EML5: variants seen among roughly 807,000 people sequenced by gnomAD.
EML5 encodes the protein echinoderm microtubule-associated protein-like 5.
In EML5, 120 loss-of-function variants were observed where a neutral mutation model predicts 250.0. The observed-to-expected ratio is 0.48, with a 90% confidence interval of 0.41 to 0.56. EML5 has a LOEUF of 0.56. EML5 is among the 20% of genes least tolerant of loss of function. The pLI, the probability that EML5 is intolerant of heterozygous loss-of-function variation, is 0.00. For missense variants in EML5, 2,006 were observed against 2,437.6 expected, an observed-to-expected ratio of 0.82 and a Z score of 3.73; for synonymous variants, 771 against 806.5, an observed-to-expected ratio of 0.96 and a Z score of 0.75.
At chr14:88,623,539 G>C (rs1328333547) in intron 36 of EML5, 1 of 151,930 alleles carries the variant, frequency 6.6e-6, no homozygotes, top group Non-Finnish European at 1.5e-5. Flanking sequence ...TTCTCCTTCA[G>C]CCTCCCAAGT....
rs186830835 is a variant in EML5, at chr14:88,616,068, C to T, written c.5897+74G>A. 3.7e-3 allele frequency: 5,578 copies of T among 1,501,580 alleles called. 12 individuals are homozygous for T. The highest frequency in any genetic ancestry group is 4.7e-3 in the Non-Finnish European group (5,080 of 1,079,624). The allele number at this position is 1,501,580 out of a possible 1,614,324, so 93.0% of individuals were successfully genotyped here. ...GACTAGCTGATTTCATAAACCAAAG[C>T]TGTAGGAGTTGTTGTATTAAGTCTC... On this transcript the variant is annotated intron_variant, in intron 43 of 43. Transcript: ENST00000554922.
chr14:88,746,154 C>G, intron 3 of EML5, 31 bp downstream of exon 3: 1 of 1,542,598 alleles, frequency 6.5e-7, no homozygotes, highest in African/African-American at 1.4e-5. Context: ...CCTTCCAGTA[C>G]TCATTAGAAA....
intron 1 of EML5, among the ~76,000 whole-genome samples, chr14:88,791,781 G>A (rs966661737): frequency 4.6e-5 from 7 of 152,294 alleles, no homozygotes; most frequent in African/African-American, 7.2e-5. Context: ...GGTTTCTGCT[G>A]ATTATAGCAG....
At chr14:88,621,066 T>A in intron 38 of EML5, 47 bp downstream of exon 38, 1 of 1,554,998 alleles carries the variant, frequency 6.4e-7, no homozygotes, top group Non-Finnish European at 8.7e-7. Context: ...TTCCAACTTT[T>A]CTTTTTAGAA....
chr14:88,663,751 T>C (rs1184648509), intron 23 of EML5, among the ~76,000 whole-genome samples: 1 of 151,370 alleles, frequency 6.6e-6, no homozygotes, highest in Non-Finnish European at 1.5e-5. Context: ...CCCAGGCTGG[T>C]CTCAAACTCC....
At chr14:88,764,779 T>C (rs1028482280) in intron 1 of EML5, among the ~76,000 whole-genome samples, 1 of 152,080 alleles carries the variant, frequency 6.6e-6, no homozygotes, top group African/African-American at 2.4e-5. Context: ...ATTTTCACTT[T>C]CTTCTTCTTT....
chr14:88,750,025 C>T (rs1215664646), intron 2 of EML5, among the ~76,000 whole-genome samples: 1 of 152,162 alleles, frequency 6.6e-6, no homozygotes, highest in Non-Finnish European at 1.5e-5. Context: ...CTCATTCCTT[C>T]GTGCATTGTC....
chr14:88,693,763 C>CTTTTT (rs71127002), intron 17 of EML5, among the ~76,000 whole-genome samples: 36 of 62,840 alleles, frequency 5.7e-4, no homozygotes, highest in Non-Finnish European at 8.5e-4. Context: ...ATGTTAACAT[C>CTTTTT]TTTTTTTTTT....
intron 9 of EML5, among the ~76,000 whole-genome samples, chr14:88,713,513 T>C (rs561914898): frequency 7.0e-4 from 106 of 152,292 alleles, no homozygotes; most frequent in African/African-American, 2.4e-3. Flanking sequence ...GATCTTGCTC[T>C]TTCACCCAGG....
At chr14:88,625,238 A>C in intron 35 of EML5, 111 bp from the exon 36 acceptor site, 1 of 1,290,200 alleles carries the variant, frequency 7.8e-7, no homozygotes, top group Non-Finnish European at 1.1e-6. Context: ...TACAAAGAGC[A>C]TGCATCGTGT....
At chr14:88,659,350 A>G (rs1353154111) in intron 25 of EML5, among the ~76,000 whole-genome samples, 1 of 151,872 alleles carries the variant, frequency 6.6e-6, no homozygotes, top group African/African-American at 2.4e-5. Flanking sequence ...AGCTGGGAAT[A>G]CAGGGACCCG....
At chr14:88,702,051 A>G (rs2093222428) in intron 14 of EML5, among the ~76,000 whole-genome samples, 1 of 152,144 alleles carries the variant, frequency 6.6e-6, no homozygotes, top group Non-Finnish European at 1.5e-5. Context: ...CATGGTTGTA[A>G]AATAAAGAGA....
At chr14:88,732,601 G>A (rs890159647) in intron 7 of EML5, among the ~76,000 whole-genome samples, 1 of 152,206 alleles carries the variant, frequency 6.6e-6, no homozygotes, top group Non-Finnish European at 1.5e-5. Flanking sequence ...TGTGAAGAAA[G>A]TCATTGGTAG....
At chr14:88,652,318 C>A (rs1296351601) in intron 27 of EML5, among the ~76,000 whole-genome samples, 2 of 152,188 alleles carry the variant, frequency 1.3e-5, no homozygotes, top group East Asian at 3.8e-4. Flanking sequence ...TGAGGAGGCA[C>A]TGCGCCCTTA....
intron 36 of EML5, 199 bp from the exon 37 acceptor site, chr14:88,622,917 C>A: frequency 4.8e-6 from 2 of 414,246 alleles, no homozygotes; most frequent in Non-Finnish European, 8.5e-6. Flanking sequence ...CATCCAGTTT[C>A]AGTGAATTTT....
intron 8 of EML5, among the ~76,000 whole-genome samples, chr14:88,717,002 C>T (rs1321648135): frequency 6.6e-6 from 1 of 152,124 alleles, no homozygotes; most frequent in African/African-American, 2.4e-5. Context: ...CAGAAGGAGG[C>T]AAAAGCCTGG....
intron 1 of EML5, among the ~76,000 whole-genome samples, chr14:88,784,260 CA>C (rs2094527908): frequency 6.6e-6 from 1 of 151,770 alleles, no homozygotes; most frequent in South Asian, 2.1e-4. Context: ...AAGAGCAAAC[CA>C]AATCCAAAAT....
At chr14:88,707,092 G>C (rs993979087) in intron 10 of EML5, among the ~76,000 whole-genome samples, 1 of 152,046 alleles carries the variant, frequency 6.6e-6, no homozygotes, top group African/African-American at 2.4e-5. Flanking sequence ...TTTTGGGTAA[G>C]GGCAATGTTG....
At chr14:88,625,168 G>A (rs1232175769) in intron 35 of EML5, 41 bp from the exon 36 acceptor site, 1 of 1,605,410 alleles carries the variant, frequency 6.2e-7, no homozygotes, top group Non-Finnish European at 8.5e-7. Context: ...CTCATCAAAA[G>A]TTCAAATAGA....
Sources: gnomAD v4.1 joint callset for allele counts (sites outside exome capture counted in the v4.1 genomes callset) on GRCh38, gnomAD v4.1.1 for gene constraint, MANE v1.5 for transcripts, NCBI Gene and HGNC (gene_info 2026-07-23, HGNC 2026-07-21) for gene names.